The following C8B variants were observed in gnomAD, a reference collection of about 807,000 sequenced individuals.
C8B encodes complement C8 beta chain.
In C8B, 67 loss-of-function variants were observed where a neutral mutation model predicts 64.6. The ratio of observed to expected loss-of-function variants is 1.04; its 90% CI spans 0.85 to 1.27. The LOEUF (loss-of-function observed/expected upper bound fraction) is 1.27, where lower values mean the gene tolerates loss of function less well. C8B is among the 50% of genes most tolerant of loss of function. The pLI is 0.00. For synonymous variants in C8B, 284 were observed against 257.7 expected (o/e 1.10, Z -0.98); for missense variants, 790 against 725.2 (o/e 1.09, Z -1.03).
chr1:56,943,058 A>G (rs2101396013), intron 8 of C8B, among the ~76,000 whole-genome samples: 1 of 151,966 alleles, frequency 6.6e-6, no homozygotes, highest in South Asian at 2.1e-4. Context: ...ATCACGCCAG[A>G]GTAAGACTCT....
intron 2 of C8B, among the ~76,000 whole-genome samples, chr1:56,958,954 T>G (rs1488798012): frequency 6.6e-6 from 1 of 152,190 alleles, no homozygotes; most frequent in Non-Finnish European, 1.5e-5. Context: ...GGCATATCTA[T>G]TGTTCTCAGA....
At chr1:56,935,221 T>C (rs1644759303) in intron 9 of C8B, among the ~76,000 whole-genome samples, 1 of 152,212 alleles carries the variant, frequency 6.6e-6, no homozygotes, top group African/African-American at 2.4e-5. Flanking sequence ...CCTAGGCTTC[T>C]CCAAATTTTG....
In C8B at chr1:56,946,018, T is replaced by A. The variant is rs545706495; in HGVS notation, c.908A>T (p.His303Leu). 6.2e-7 allele frequency: 1 copy of A among 1,614,018 alleles called. No homozygotes were observed. Among genetic ancestry groups the A allele is most frequent in the Non-Finnish European group, 8.5e-7 (1 of 1,180,006 alleles). The change falls in exon 7 of 12, where the codon CAT becomes CTT. Residue 303 changes from histidine to leucine, a missense_variant. His to Leu is a moderately conservative substitution (Grantham distance 99, BLOSUM62 -3). Transcript: ENST00000371237. ...GAGGCTTCTGGGTTTCAGCTTGTAA[T>A]GTGCTACTTCAAGGTCAGAGCGTGC... ...LHARSDLEVA[H>L]YKLKPRSLML...
intron 2 of C8B, among the ~76,000 whole-genome samples, chr1:56,957,127 G>C (rs1645115656): frequency 6.6e-6 from 1 of 152,064 alleles, no homozygotes; most frequent in Non-Finnish European, 1.5e-5. Context: ...TCTTCAATTA[G>C]TCTGTGAGCT....
At chr1:56,941,054 T>C in intron 8 of C8B, 42 bp from the exon 9 acceptor site, 1 of 1,609,432 alleles carries the variant, frequency 6.2e-7, no homozygotes, top group Non-Finnish European at 8.5e-7. Flanking sequence ...AAGATATCCC[T>C]TTGCCCCCTA....
intron 8 of C8B, among the ~76,000 whole-genome samples, chr1:56,941,500 AG>A (rs1324889687): frequency 8.4e-4 from 29 of 34,402 alleles, no homozygotes; most frequent in African/African-American, 2.6e-3. Flanking sequence ...AATAGTAGAT[AG>A]ATAGATACAT....
chr1:56,964,963 G>A (rs1435344988), intron 1 of C8B, among the ~76,000 whole-genome samples: 1 of 152,134 alleles, frequency 6.6e-6, no homozygotes, highest in African/African-American at 2.4e-5. Context: ...CTTATTGAGT[G>A]GCCAATAGAT....
At chr1:56,959,075 C>T (rs1320735719) in intron 2 of C8B, among the ~76,000 whole-genome samples, 1 of 152,166 alleles carries the variant, frequency 6.6e-6, no homozygotes, top group Non-Finnish European at 1.5e-5. Context: ...TGGACAGTAG[C>T]CTGAGTTTGA....
Position 56,949,656 on chromosome 1 carries a change from T to C in C8B, c.763A>G (p.Ser255Gly), listed in dbSNP as rs1396507891. 1 of 1,614,038 alleles carries C rather than the reference T, an allele frequency of 6.2e-7. No individual in the cohort carries two copies. The highest frequency in any genetic ancestry group is 2.2e-5 in the East Asian group (1 of 44,862). The change falls in exon 6 of 12, where the codon AGT becomes GGT. Residue 255 changes from serine (S) to glycine (G), a missense_variant. By Grantham distance (56) the Ser-to-Gly change is moderately conservative (BLOSUM62 0). Coordinates refer to ENST00000371237, the MANE Select transcript of C8B (RefSeq NM_000066.4). ...TEKMASKSGF[S>G]FGFKIPGIFE... ...ATTCCAGGTATTTTAAAACCAAAACTGAAACCAGACTTGCTTGCCATTTTC... is the reference window on the plus strand; with the variant it reads ...ATTCCAGGTATTTTAAAACCAAAACCGAAACCAGACTTGCTTGCCATTTTC...
intron 6 of C8B, among the ~76,000 whole-genome samples, chr1:56,949,144 C>T (rs1038388155): frequency 4.6e-5 from 7 of 152,018 alleles, no homozygotes; most frequent in African/African-American, 1.2e-4. Flanking sequence ...ATGTCCCCTC[C>T]AAAACTCATG....
At chr1:56,950,684 G>C (rs910696530) in intron 5 of C8B, among the ~76,000 whole-genome samples, 1 of 152,194 alleles carries the variant, frequency 6.6e-6, no homozygotes, top group African/African-American at 2.4e-5. Context: ...CTCTTGTCTA[G>C]TCGGATGACT....
At chr1:56,945,434 A>G (rs190425867) in intron 7 of C8B, among the ~76,000 whole-genome samples, 1 of 152,338 alleles carries the variant, frequency 6.6e-6, no homozygotes, top group Non-Finnish European at 1.5e-5. Context: ...AAAGAAAGTC[A>G]AAAGTTCTCT....
chr1:56,965,880 G>A lies in C8B; in HGVS notation c.69C>T (p.Gly23=), dbSNP rs757464856. Residue 23 remains glycine, a synonymous_variant, in exon 1 of 12, where the codon GGC becomes GGT. Transcript: ENST00000371237. ...ACCTGGAGCCAGGCAAACTGAGACA[G>A]CCCAGGGCAGCACAGAGAAGAAATA... is the stretch of plus-strand genomic sequence containing the variant. ...VELFLLCAAL[G]CLSLPGSRGE... is the part of the protein sequence containing the mutation. 1 of 1,614,080 alleles carries A rather than the reference G, an allele frequency of 6.2e-7. No individual in the cohort carries two copies. The highest frequency in any genetic ancestry group is 8.5e-7 in the Non-Finnish European group (1 of 1,180,022).
At chr1:56,956,108 A>G (rs1645099121) in intron 3 of C8B, among the ~76,000 whole-genome samples, 2 of 152,106 alleles carry the variant, frequency 1.3e-5, no homozygotes, top group African/African-American at 4.8e-5. Context: ...ATTAAGGATC[A>G]TCTTGGACTT....
intron 4 of C8B, among the ~76,000 whole-genome samples, chr1:56,953,749 C>T (rs767866767): frequency 4.6e-5 from 7 of 152,176 alleles, no homozygotes; most frequent in African/African-American, 7.2e-5. Context: ...GCCAGTGAGC[C>T]ACTCCTTCAG....
rs1408298776 is a variant in C8B at position 56,958,666 on chromosome 1, ACT to A, written c.249+1352_249+1353del. Reference sequence around the variant, plus strand: ...CCAGCTGAGGGAACGTCTGCGGCAGACTCTGAGAGAGGAGCTCTGGCTGCCAG... The same window carrying A: ...CCAGCTGAGGGAACGTCTGCGGCAGACTGAGAGAGGAGCTCTGGCTGCCAG... On this transcript the variant is annotated intron_variant, in intron 2 of 11. Coordinates refer to ENST00000371237, the MANE Select transcript of C8B (RefSeq NM_000066.4). Among the ~76,000 whole-genome samples the A allele has an allele frequency of 2.0e-5, 3 of 152,114 alleles. No homozygotes were observed. The East Asian group carries it at 5.8e-4, about 29-fold the overall frequency.
At chr1:56,952,827 G>C (rs1402777599) in intron 4 of C8B, among the ~76,000 whole-genome samples, 1 of 152,102 alleles carries the variant, frequency 6.6e-6, no homozygotes, top group Non-Finnish European at 1.5e-5. Context: ...CTACCTCATG[G>C]GGATGTTGTG....
intron 2 of C8B, among the ~76,000 whole-genome samples, chr1:56,957,331 A>T (rs1327759889): frequency 1.3e-5 from 2 of 152,226 alleles, no homozygotes; most frequent in African/African-American, 4.8e-5. Flanking sequence ...GGTTGATTCA[A>T]GTATTCCCCT....
chr1:56,942,790 C>T (rs1453937177), intron 8 of C8B, among the ~76,000 whole-genome samples: 1 of 152,024 alleles, frequency 6.6e-6, no homozygotes, highest in Admixed American at 6.6e-5. Context: ...GGCGTCTCTG[C>T]CAGGCATGGT....
Sources: gnomAD v4.1 joint callset for allele counts (sites outside exome capture counted in the v4.1 genomes callset) on GRCh38, gnomAD v4.1.1 for gene constraint, MANE v1.5 for transcripts, NCBI Gene and HGNC (gene_info 2026-07-23, HGNC 2026-07-21) for gene names.